The following SLC9A9 variants were observed in gnomAD, a reference collection of about 807,000 sequenced individuals.
SLC9A9 encodes solute carrier family 9 member A9, also known as sodium/hydrogen exchanger 9.
In SLC9A9, 62 loss-of-function variants were observed where a neutral mutation model predicts 77.8. The ratio of observed to expected loss-of-function variants is 0.80; its 90% CI spans 0.65 to 0.98. SLC9A9 has a LOEUF of 0.98. Among genes scored for constraint, SLC9A9 ranks in the 50% least tolerant of loss-of-function variants. The probability of loss-of-function intolerance (pLI) is 0.00; values close to 1 mark genes in which losing one functional copy is unlikely to be tolerated. For missense variants in SLC9A9, 775 were observed against 774.9 expected, an observed-to-expected ratio of 1.00 and a Z score of 0.00; for synonymous variants, 320 against 283.5, an observed-to-expected ratio of 1.13 and a Z score of -1.29.
intron 11 of SLC9A9, among the ~76,000 whole-genome samples, chr3:143,492,049 T>C (rs886830496): frequency 2.0e-5 from 3 of 152,014 alleles, no homozygotes; most frequent in African/African-American, 7.3e-5. Flanking sequence ...TCCCAGCACT[T>C]TGGGAGGCCG....
At position 143,558,927 on chromosome 3, in the gene SLC9A9, A is replaced by G. The variant is rs573381055; in HGVS notation, c.1001-6477T>C. Among the ~76,000 whole-genome samples, 24 of 152,308 alleles carry G rather than the reference A, an allele frequency of 1.6e-4. No homozygotes were observed. In the East Asian group the frequency reaches 3.1e-3, roughly 20 times the overall value. On this transcript the variant is annotated intron_variant, in intron 8 of 15. Transcript: ENST00000316549. ...AATCTAATCTTGACTTATAGTTCCC[A>G]TAATCCCCATGTGTCATGGGAGGGT...
At chr3:143,588,587 T>C (rs772784753) in intron 6 of SLC9A9, among the ~76,000 whole-genome samples, 5 of 152,256 alleles carry the variant, frequency 3.3e-5, no homozygotes, top group African/African-American at 9.6e-5. Flanking sequence ...TTATGAATTA[T>C]ATGTGCATTT....
intron 4 of SLC9A9, among the ~76,000 whole-genome samples, chr3:143,792,598 G>A (rs1021860021): frequency 6.6e-6 from 1 of 152,060 alleles, no homozygotes; most frequent in African/African-American, 2.4e-5. Flanking sequence ...CACATGCCCT[G>A]TTGGTTTTCT....
chr3:143,353,826 A>G (rs2032524049), intron 14 of SLC9A9, among the ~76,000 whole-genome samples: 1 of 152,178 alleles, frequency 6.6e-6, no homozygotes, highest in Non-Finnish European at 1.5e-5. Context: ...AAAATATAAT[A>G]GAATAATTAT....
chr3:143,841,017 CGAA>C (rs72122029), intron 1 of SLC9A9, among the ~76,000 whole-genome samples: 4,268 of 152,106 alleles, frequency 0.028, 78 homozygotes, highest in Middle Eastern at 0.068. Flanking sequence ...TGGCACGGAG[CGAA>C]CAGTTAATTA....
chr3:143,430,648 G>A (rs1056779575), intron 12 of SLC9A9, among the ~76,000 whole-genome samples: 2 of 152,190 alleles, frequency 1.3e-5, no homozygotes, highest in African/African-American at 2.4e-5. Flanking sequence ...AGCTGCATGT[G>A]GCCCTCTGGG....
At position 143,269,077 on chromosome 3, in the gene SLC9A9, C is replaced by A. The variant is rs1370525990; in HGVS notation, c.1605-97G>T. On this transcript the variant is annotated intron_variant, in intron 14 of 15. Transcript: ENST00000316549. ...TGTATGCTGAGACAGCTACGTTTGC[C>A]TTTAAATCCCCTACTCCCTCACTTA... 4.5e-6 allele frequency: 4 copies of A among 890,624 alleles called. No individual in the cohort carries two copies. The East Asian group carries it at 1.0e-4, about 23-fold the overall frequency. 55.2% of individuals were successfully genotyped at this position (890,624 alleles called of 1,614,324 possible). A position where few individuals can be genotyped will look rare whatever the true frequency, so the allele number is the denominator to read the frequency against.
chr3:143,466,933 G>A, intron 12 of SLC9A9, 104 bp downstream of exon 12: 3 of 1,413,966 alleles, frequency 2.1e-6, no homozygotes, highest in Non-Finnish European at 2.9e-6. Context: ...GGGAAAGTTA[G>A]GGTAGGACCT....
At chr3:143,607,003 A>G (rs2037939991) in intron 6 of SLC9A9, among the ~76,000 whole-genome samples, 1 of 152,060 alleles carries the variant, frequency 6.6e-6, no homozygotes. Context: ...CATAGAAAGT[A>G]AAATATCAAC....
intron 14 of SLC9A9, among the ~76,000 whole-genome samples, chr3:143,347,253 C>T (rs2032310371): frequency 6.6e-6 from 1 of 152,108 alleles, no homozygotes; most frequent in African/African-American, 2.4e-5. Context: ...ACAAGCATCA[C>T]AACCAATTAC....
chr3:143,752,637 GC>G (rs1382096730), intron 4 of SLC9A9, among the ~76,000 whole-genome samples: 1 of 151,720 alleles, frequency 6.6e-6, no homozygotes, highest in Admixed American at 6.6e-5. Flanking sequence ...CCTGCACAGA[GC>G]CGCAACTCTT....
intron 14 of SLC9A9, among the ~76,000 whole-genome samples, chr3:143,293,121 C>T (rs1342734272): frequency 1.3e-5 from 2 of 152,172 alleles, no homozygotes; most frequent in Non-Finnish European, 2.9e-5. Flanking sequence ...CTATATACCT[C>T]TATGCTTATA....
chr3:143,644,418 T>C (rs1343415974), intron 6 of SLC9A9, among the ~76,000 whole-genome samples: 1 of 152,198 alleles, frequency 6.6e-6, no homozygotes, highest in Non-Finnish European at 1.5e-5. Flanking sequence ...TCAGATCTCA[T>C]CCGTGAGACA....
intron 9 of SLC9A9, among the ~76,000 whole-genome samples, chr3:143,497,661 T>C (rs2035857955): frequency 1.3e-5 from 2 of 152,164 alleles, no homozygotes; most frequent in Non-Finnish European, 2.9e-5. Flanking sequence ...ATTCAATCTC[T>C]CCCAAAACAA....
intron 4 of SLC9A9, among the ~76,000 whole-genome samples, chr3:143,731,884 G>A (rs750050187): frequency 3.3e-5 from 5 of 152,114 alleles, no homozygotes; most frequent in East Asian, 1.9e-4. Context: ...AACTGTCAAC[G>A]GATGTGAGAC....
At chr3:143,349,423 C>T (rs542312542) in intron 14 of SLC9A9, among the ~76,000 whole-genome samples, 2 of 152,196 alleles carry the variant, frequency 1.3e-5, no homozygotes, top group East Asian at 3.9e-4. Context: ...AGGGTGGGGC[C>T]CATCAACTCA....
intron 12 of SLC9A9, among the ~76,000 whole-genome samples, chr3:143,392,114 C>A (rs1237491829): frequency 6.6e-6 from 1 of 152,136 alleles, no homozygotes; most frequent in Non-Finnish European, 1.5e-5. Flanking sequence ...CACAAACATA[C>A]TCCTTGAGAA....
intron 4 of SLC9A9, among the ~76,000 whole-genome samples, chr3:143,788,688 C>CAA (rs71140455): frequency 0.3 from 26,787 of 89,782 alleles, 5,214 homozygotes; most frequent in African/African-American, 0.54. Context: ...GAGACTCCAT[C>CAA]AAAAAAAAAA....
intron 14 of SLC9A9, among the ~76,000 whole-genome samples, chr3:143,334,150 C>T (rs2031857967): frequency 6.6e-6 from 1 of 152,134 alleles, no homozygotes; most frequent in Non-Finnish European, 1.5e-5. Flanking sequence ...AATCCAAAAT[C>T]CAATTTTGAT....
Sources: gnomAD v4.1 joint callset for allele counts (sites outside exome capture counted in the v4.1 genomes callset) on GRCh38, gnomAD v4.1.1 for gene constraint, MANE v1.5 for transcripts, NCBI Gene and HGNC (gene_info 2026-07-23, HGNC 2026-07-21) for gene names.